The following PDS5A variants were observed in gnomAD, a reference collection of about 807,000 sequenced individuals.
The protein encoded by PDS5A is sister chromatid cohesion protein PDS5 homolog A.
Under a neutral mutation model 167.1 loss-of-function variants are expected in PDS5A, and 42 were observed. The ratio of observed to expected loss-of-function variants is 0.25; its 90% CI spans 0.20 to 0.33. PDS5A has a LOEUF of 0.33. Among genes scored for constraint, PDS5A ranks in the 10% least tolerant of loss-of-function variants. The pLI is 1.00. For missense variants in PDS5A, 1,033 were observed against 1,605.9 expected (o/e 0.64, Z 6.10); for synonymous variants, 553 against 554.6 (o/e 1.00, Z 0.04).
intron 16 of PDS5A, among the ~76,000 whole-genome samples, chr4:39,895,502 A>C (rs889257328): frequency 2.0e-5 from 3 of 152,206 alleles, no homozygotes; most frequent in African/African-American, 4.8e-5. Context: ...CTTACCATAA[A>C]TGAAGCTTAC....
intron 23 of PDS5A, among the ~76,000 whole-genome samples, chr4:39,865,194 A>G (rs992292755): frequency 6.6e-6 from 1 of 152,138 alleles, no homozygotes; most frequent in Admixed American, 6.5e-5. Context: ...TATTGACTGC[A>G]TTTAGTGATG....
intron 2 of PDS5A, among the ~76,000 whole-genome samples, chr4:39,953,751 T>C (rs1204544563): frequency 6.6e-6 from 1 of 152,016 alleles, no homozygotes; most frequent in Non-Finnish European, 1.5e-5. Context: ...TAAAGTAAAA[T>C]TCCAACACAT....
chr4:39,846,570 C>T (rs1717623562), intron 28 of PDS5A: 1 of 152,164 alleles, frequency 6.6e-6, no homozygotes, highest in African/African-American at 2.4e-5. Context: ...GTGATATTAA[C>T]AATACACGAT....
At chr4:39,961,424 A>AT (rs1392652816) in intron 2 of PDS5A, among the ~76,000 whole-genome samples, 16 of 151,674 alleles carry the variant, frequency 1.1e-4, no homozygotes, top group African/African-American at 2.9e-4. Context: ...ATGCCCGCTA[A>AT]TTTTTTTTGT....
At chr4:39,859,262 C>A (rs1413372078) in intron 26 of PDS5A, among the ~76,000 whole-genome samples, 1 of 152,210 alleles carries the variant, frequency 6.6e-6, no homozygotes, top group African/African-American at 2.4e-5. Flanking sequence ...TATGTAACTA[C>A]ATTTTGAAAA....
At chr4:39,827,900 TACTC>T (rs1437512711) in intron 32 of PDS5A, among the ~76,000 whole-genome samples, 1 of 152,164 alleles carries the variant, frequency 6.6e-6, no homozygotes, top group Non-Finnish European at 1.5e-5. Context: ...AAGCAAAACA[TACTC>T]AACAATCAGC....
intron 2 of PDS5A, among the ~76,000 whole-genome samples, chr4:39,929,678 G>A (rs932260430): frequency 2.0e-5 from 3 of 148,386 alleles, no homozygotes; most frequent in South Asian, 2.1e-4. Context: ...ACAATCTGTC[G>A]CCACTGTCAA....
intron 18 of PDS5A, 90 bp downstream of exon 18, chr4:39,879,638 G>C: frequency 1.5e-6 from 1 of 655,390 alleles, no homozygotes; most frequent in South Asian, 2.1e-5. Context: ...ATAGTTTCCT[G>C]TGAAATAAGC....
chr4:39,878,009 G>C (rs1350412701), intron 18 of PDS5A, among the ~76,000 whole-genome samples: 1 of 152,068 alleles, frequency 6.6e-6, no homozygotes, highest in African/African-American at 2.4e-5. Flanking sequence ...TATAACACCA[G>C]CACGAGCCTG....
chr4:39,842,142 C>A (rs754017101), intron 30 of PDS5A, 86 bp from the exon 31 acceptor site: 148 of 823,296 alleles, frequency 1.8e-4, no homozygotes, highest in African/African-American at 3.4e-5. Context: ...AAGGCTTAGG[C>A]TGGTTTCGAA....
chr4:39,947,401 G>C (rs921613798), intron 2 of PDS5A, among the ~76,000 whole-genome samples: 2 of 152,100 alleles, frequency 1.3e-5, no homozygotes, highest in Non-Finnish European at 2.9e-5. Flanking sequence ...AGTGAGCCAA[G>C]ATCATGCCAC....
chr4:39,899,998 C>T (rs1170172168), intron 14 of PDS5A, among the ~76,000 whole-genome samples: 9 of 151,894 alleles, frequency 5.9e-5, no homozygotes, highest in South Asian at 2.1e-4. Context: ...TTTTCCCCAA[C>T]CTTGCAAAAA....
intron 11 of PDS5A, among the ~76,000 whole-genome samples, chr4:39,905,729 C>G (rs1032175625): frequency 1.3e-5 from 2 of 151,772 alleles, no homozygotes; most frequent in African/African-American, 4.8e-5. Context: ...CAAACATTCT[C>G]AGGGAGATAA....
At chr4:39,838,600 G>A (rs1469645803) in intron 31 of PDS5A, among the ~76,000 whole-genome samples, 1 of 152,204 alleles carries the variant, frequency 6.6e-6, no homozygotes, top group Non-Finnish European at 1.5e-5. Flanking sequence ...GCTTGTGCCT[G>A]TAGTCCCAGC....
At chr4:39,876,922 GA>G in intron 19 of PDS5A, 70 bp downstream of exon 19, 1 of 1,175,172 alleles carries the variant, frequency 8.5e-7, no homozygotes. Flanking sequence ...TACACAGAAG[GA>G]AAACAATGAT....
chr4:39,958,960 A>C (rs1409596935), intron 2 of PDS5A, among the ~76,000 whole-genome samples: 1 of 152,132 alleles, frequency 6.6e-6, no homozygotes, highest in African/African-American at 2.4e-5. Flanking sequence ...CCTTTCTGCC[A>C]TTCATCTGCC....
chr4:39,855,605 T>G (rs1184136465), intron 26 of PDS5A, among the ~76,000 whole-genome samples: 1 of 152,114 alleles, frequency 6.6e-6, no homozygotes, highest in African/African-American at 2.4e-5. Context: ...TAATCATATG[T>G]ATGAACAAGT....
intron 31 of PDS5A, among the ~76,000 whole-genome samples, chr4:39,840,311 A>C (rs1716870090): frequency 6.6e-6 from 1 of 152,222 alleles, no homozygotes. Context: ...GTTTCAAAAC[A>C]AAACAAAACA....
intron 18 of PDS5A, among the ~76,000 whole-genome samples, chr4:39,878,108 A>C (rs17439491): frequency 0.22 from 33,571 of 152,074 alleles, 4,696 homozygotes; most frequent in Middle Eastern, 0.33. Flanking sequence ...TAGTATCAAG[A>C]TTAGGAAAAT....
Sources: allele counts gnomAD v4.1 joint callset (sites outside exome capture counted in the v4.1 genomes callset), GRCh38; gene constraint gnomAD v4.1.1; transcripts MANE v1.5; gene names NCBI Gene and HGNC (gene_info 2026-07-23, HGNC 2026-07-21).